SNTG2: variants seen among roughly 807,000 people sequenced by gnomAD.
SNTG2 encodes the protein gamma-2-syntrophin.
SNTG2 carries 74 observed loss-of-function variants against 70.9 expected under a neutral mutation model. The ratio of observed to expected loss-of-function variants is 1.04; its 90% CI spans 0.86 to 1.27. The LOEUF is 1.27. Ranked by LOEUF, SNTG2 falls within the 50% of genes most tolerant of loss-of-function variation. The probability of loss-of-function intolerance (pLI) is 0.00; values close to 1 mark genes in which losing one functional copy is unlikely to be tolerated. For synonymous variants in SNTG2, 278 were observed against 273.8 expected, an observed-to-expected ratio of 1.02 and a Z score of -0.15; for missense variants, 717 against 690.7, an observed-to-expected ratio of 1.04 and a Z score of -0.43.
At chr2:991,139 G>C (rs886666170) in intron 1 of SNTG2, among the ~76,000 whole-genome samples, 9 of 152,236 alleles carry the variant, frequency 5.9e-5, no homozygotes, top group African/African-American at 2.2e-4. Context: ...CTGGTAATGA[G>C]ATGATTTAGT....
At chr2:1,093,369 G>A (rs4971437) in intron 2 of SNTG2, among the ~76,000 whole-genome samples, 94,552 of 152,012 alleles carry the variant, frequency 0.62, 29,917 homozygotes, top group East Asian at 0.73. Flanking sequence ...TCAGCTGTGG[G>A]TTGCCTCTGG....
intron 16 of SNTG2, among the ~76,000 whole-genome samples, chr2:1,352,674 A>G (rs1660643529): frequency 6.6e-6 from 1 of 152,208 alleles, no homozygotes; most frequent in Admixed American, 6.5e-5. Flanking sequence ...TGAAATCTTC[A>G]GTGAGTGAAA....
chr2:994,414 T>C (rs1245578264), intron 1 of SNTG2, among the ~76,000 whole-genome samples: 3 of 152,120 alleles, frequency 2.0e-5, no homozygotes, highest in African/African-American at 7.2e-5. Flanking sequence ...ATGCCAGCAC[T>C]GTACTGCCTT....
intron 8 of SNTG2, among the ~76,000 whole-genome samples, chr2:1,177,400 G>T (rs1671551563): frequency 1.3e-5 from 2 of 151,870 alleles, no homozygotes; most frequent in African/African-American, 4.8e-5. Context: ...TAGGTGATGG[G>T]TTGATAGGTG....
intron 1 of SNTG2, among the ~76,000 whole-genome samples, chr2:965,329 A>T (rs1169654711): frequency 9.0e-6 from 1 of 111,524 alleles, no homozygotes; most frequent in Non-Finnish European, 1.9e-5. Context: ...CTTGGACCCC[A>T]ATCCTCCTCC....
At chr2:1,320,534 CAAAAAAAA>C (rs35391780) in intron 16 of SNTG2, among the ~76,000 whole-genome samples, 3 of 89,464 alleles carry the variant, frequency 3.4e-5, no homozygotes, top group African/African-American at 8.2e-5. Context: ...GACTCCTTCT[CAAAAAAAA>C]AAAAAAAAAA....
At chr2:1,014,481 G>A (rs1248978790) in intron 1 of SNTG2, among the ~76,000 whole-genome samples, 1 of 92,172 alleles carries the variant, frequency 1.1e-5, no homozygotes, top group African/African-American at 3.7e-5. Context: ...TATAAGGACA[G>A]AGAGAAGGGT....
intron 12 of SNTG2, 65 bp from the exon 13 acceptor site, chr2:1,259,305 A>T: frequency 6.7e-7 from 1 of 1,485,448 alleles, no homozygotes; most frequent in African/African-American, 1.4e-5. Context: ...ACTATTGTAA[A>T]TTTTTAAATT....
intron 4 of SNTG2, among the ~76,000 whole-genome samples, chr2:1,101,343 T>C (rs1665769436): frequency 6.6e-6 from 1 of 152,200 alleles, no homozygotes; most frequent in African/African-American, 2.4e-5. Flanking sequence ...CACCTGCCTC[T>C]CCCCACTGGG....
chr2:1,115,002 C>G (rs1666846230), intron 4 of SNTG2, among the ~76,000 whole-genome samples: 1 of 151,546 alleles, frequency 6.6e-6, no homozygotes, highest in Admixed American at 6.6e-5. Context: ...CCTTACAGTC[C>G]TTTGAGGAGG....
intron 4 of SNTG2, among the ~76,000 whole-genome samples, chr2:1,099,288 G>C (rs1054232581): frequency 6.6e-6 from 1 of 152,290 alleles, no homozygotes; most frequent in East Asian, 1.9e-4. Context: ...CAGGAAGCAA[G>C]ACAGAGTGGG....
chr2:1,284,414 T>C (rs1679686082), intron 14 of SNTG2, among the ~76,000 whole-genome samples: 1 of 152,236 alleles, frequency 6.6e-6, no homozygotes, highest in African/African-American at 2.4e-5. Flanking sequence ...AGCATTTTTC[T>C]GGGATGCGAG....
chr2:1,099,004 T>A (rs1432732975), intron 4 of SNTG2, among the ~76,000 whole-genome samples: 1 of 152,196 alleles, frequency 6.6e-6, no homozygotes, highest in Non-Finnish European at 1.5e-5. Context: ...AGGGTGGGAT[T>A]TCTGGCCACA....
At chr2:1,251,321 G>T (rs1290742510) in intron 12 of SNTG2, among the ~76,000 whole-genome samples, 2 of 152,160 alleles carry the variant, frequency 1.3e-5, no homozygotes, top group African/African-American at 4.8e-5. Context: ...AAATTTTTAA[G>T]TATAAATATA....
At chr2:971,202 C>G (rs1203017632) in intron 1 of SNTG2, among the ~76,000 whole-genome samples, 1 of 152,174 alleles carries the variant, frequency 6.6e-6, no homozygotes, top group Non-Finnish European at 1.5e-5. Context: ...GGAATAGTTT[C>G]ATTAGGAATG....
chr2:1,295,720 G>A (rs912148286), intron 14 of SNTG2, among the ~76,000 whole-genome samples: 6 of 151,864 alleles, frequency 4.0e-5, no homozygotes, highest in Admixed American at 3.9e-4. Context: ...TGGGGAGGGA[G>A]GAGCAGGCAG....
intron 1 of SNTG2, among the ~76,000 whole-genome samples, chr2:965,832 A>G (rs545963321): frequency 4.6e-5 from 7 of 152,108 alleles, no homozygotes; most frequent in Non-Finnish European, 7.4e-5. Flanking sequence ...CTCCCTGCAC[A>G]TGGCTCTCCA....
At chr2:1,087,086 C>T (rs1040025769) in intron 2 of SNTG2, among the ~76,000 whole-genome samples, 12 of 152,186 alleles carry the variant, frequency 7.9e-5, no homozygotes, top group Middle Eastern at 3.4e-3. Flanking sequence ...TGGCAGGAAA[C>T]GGAGGTCAAG....
intron 6 of SNTG2, among the ~76,000 whole-genome samples, chr2:1,139,532 G>A (rs559064526): frequency 1.7e-4 from 26 of 152,128 alleles, no homozygotes; most frequent in Non-Finnish European, 3.1e-4. Flanking sequence ...TGCCACACTC[G>A]GCCACAACAA....
Sources: gnomAD v4.1 joint callset for allele counts (sites outside exome capture counted in the v4.1 genomes callset) on GRCh38, gnomAD v4.1.1 for gene constraint, MANE v1.5 for transcripts, NCBI Gene and HGNC (gene_info 2026-07-23, HGNC 2026-07-21) for gene names.